Variants in PFKFB2 observed in about 807,000 individuals in gnomAD.
The protein encoded by PFKFB2 is 6-phosphofructo-2-kinase/fructose-2,6-bisphosphatase 2.
Under a neutral mutation model 68.0 loss-of-function variants are expected in PFKFB2, and 53 were observed. That is an observed-to-expected ratio of 0.78 (90% CI 0.63 to 0.98). The LOEUF is 0.98. Ranked by LOEUF, PFKFB2 falls within the 50% of genes least tolerant of loss-of-function variation. The pLI, the probability that PFKFB2 is intolerant of heterozygous loss-of-function variation, is 0.00. For synonymous variants in PFKFB2, 222 were observed against 227.6 expected (o/e 0.98, Z 0.22); for missense variants, 451 against 642.0 (o/e 0.70, Z 3.22).
chr1:207,054,165 G>A (rs1348838579), intron 1 of PFKFB2, among the ~76,000 whole-genome samples: 1 of 151,988 alleles, frequency 6.6e-6, no homozygotes, highest in East Asian at 1.9e-4. Flanking sequence ...GCCTCCCCAA[G>A]TGTTGGAATT....
chr1:207,038,307 G>A (rs1293047629), intron 1 of PFKFB2, among the ~76,000 whole-genome samples: 1 of 152,180 alleles, frequency 6.6e-6, no homozygotes, highest in Non-Finnish European at 1.5e-5. Context: ...CCCTTGTGGA[G>A]TTTACAAAGT....
chr1:207,068,367 C>T (rs1277808680), intron 10 of PFKFB2, 58 bp downstream of exon 10: 19 of 1,400,732 alleles, frequency 1.4e-5, no homozygotes, highest in Middle Eastern at 1.9e-4. Flanking sequence ...CAGGAACTCT[C>T]AGAAGTCACT....
At chr1:207,059,923 G>A (rs1041576338) in intron 2 of PFKFB2, among the ~76,000 whole-genome samples, 26 of 152,308 alleles carry the variant, frequency 1.7e-4, no homozygotes, top group African/African-American at 5.3e-4. Context: ...AGGGGCAGCC[G>A]CAACTTGCAG....
At chr1:207,051,896 G>C (rs1295463812), upstream of PFKFB2, among the ~76,000 whole-genome samples, 1 of 152,248 alleles carries the variant, frequency 6.6e-6, no homozygotes, top group Non-Finnish European at 1.5e-5. Context: ...TAAAGACAGA[G>C]TTGTATAGAC....
chr1:207,048,299 C>T (rs949712543), upstream of PFKFB2: 1 of 152,652 alleles, frequency 6.6e-6, no homozygotes, highest in African/African-American at 2.4e-5. Flanking sequence ...AAACAGGGCA[C>T]AATCAGTTCC....
At chr1:207,054,330 C>A (rs1682852600) in intron 1 of PFKFB2, among the ~76,000 whole-genome samples, 1 of 152,166 alleles carries the variant, frequency 6.6e-6, no homozygotes, top group African/African-American at 2.4e-5. Context: ...AAACTAGAAT[C>A]TGAGGTCATG....
intron 2 of PFKFB2, among the ~76,000 whole-genome samples, chr1:207,043,176 T>C (rs1489935283): frequency 1.3e-5 from 2 of 152,220 alleles, no homozygotes; most frequent in African/African-American, 2.4e-5. Flanking sequence ...CATTGCTTTA[T>C]GGGCACAATT....
At position 207,070,901 on chromosome 1, in the gene PFKFB2, T is replaced by C; in HGVS notation, c.1223-287T>C. The C allele has an allele frequency of 5.3e-6, 2 of 375,650 alleles. No homozygotes were observed. The highest frequency in any genetic ancestry group is 5.7e-5 in the East Asian group (1 of 17,398). The allele number at this position is 375,650 out of a possible 1,614,324, so 23.3% of individuals were successfully genotyped here. ...TGGAAGCTGTTGTGGTCAGACCTTA[T>C]TGGCCTTTGCTGTACCCAGGTGACC... On this transcript the variant is annotated intron_variant, in intron 12 of 14. Transcript: ENST00000367080. The surrounding 1 kb of genome is among the most constrained non-coding windows in gnomAD (Gnocchi z 4.2).
At chr1:207,042,549 CAAAAAAAAAAA>C (rs57077682) in intron 2 of PFKFB2, among the ~76,000 whole-genome samples, 7,796 of 44,390 alleles carry the variant, frequency 0.18, 204 homozygotes, top group East Asian at 0.27. Context: ...CTCTGTCTCA[CAAAAAAAAAAA>C]AAAAAAAAAA....
rs543803610 is a variant in PFKFB2 at position 207,076,413 on chromosome 1, C to T, written c.*4042C>T. On this transcript the variant is annotated 3_prime_UTR_variant, in exon 15 of 15. Coordinates refer to ENST00000367080, the MANE Select transcript of PFKFB2 (RefSeq NM_006212.2). ...CCATTGTCTTTGCCAAGCCCAGAAG[C>T]CATGTTGTGTTCATTGTTAAGAAAT... is the stretch of plus-strand genomic sequence containing the variant. The T allele has an allele frequency of 1.0e-6, 1 of 984,950 alleles. No individual in the cohort carries two copies. The highest frequency in any genetic ancestry group is 1.1e-4 in the East Asian group (1 of 8,818). The allele number at this position is 984,950 out of a possible 1,614,324, so 61.0% of individuals were successfully genotyped here.
rs557398119 is a variant in PFKFB2, at chr1:207,077,668, C to T, written c.*5297C>T. On this transcript the variant is annotated 3_prime_UTR_variant, in exon 15 of 15. Transcript: ENST00000367080. Reference sequence around the variant, plus strand: ...GCTCTGTTGAAATAGGAACATAAGTCTTTAGCAACATTCTGATTTAATCGG... The same window carrying T: ...GCTCTGTTGAAATAGGAACATAAGTTTTTAGCAACATTCTGATTTAATCGG... 19 of 985,754 alleles carry T rather than the reference C, an allele frequency of 1.9e-5. No individual in the cohort carries two copies. The highest frequency in any genetic ancestry group is 2.3e-5 in the Non-Finnish European group (19 of 829,874). The allele number at this position is 985,754 out of a possible 1,614,324, so 61.1% of individuals were successfully genotyped here.
intron 2 of PFKFB2, among the ~76,000 whole-genome samples, chr1:207,042,479 C>T (rs1315811118): frequency 7.7e-6 from 1 of 130,474 alleles, no homozygotes; most frequent in Non-Finnish European, 1.6e-5. Context: ...ACCTGGCAGG[C>T]GGAGCTTGCA....
Position 207,073,531 on chromosome 1 carries a change from A to C in PFKFB2, c.*1160A>C, listed in dbSNP as rs1683529795. 1.0e-6 allele frequency: 1 copy of C among 984,894 alleles called. No individual in the cohort carries two copies. Among genetic ancestry groups the C allele is most frequent in the South Asian group, 4.7e-5 (1 of 21,296 alleles). The allele number at this position is 984,894 out of a possible 1,614,324, so 61.0% of individuals were successfully genotyped here. On this transcript the variant is annotated 3_prime_UTR_variant, in exon 15 of 15. Transcript: ENST00000367080. ...GAAGAAAGAAACATCAAAACAAAAT[A>C]GTTTTTACATGACCATTTTTTTCCC...
chr1:207,046,550 T>C (rs1015243053), intron 2 of PFKFB2: 8 of 152,076 alleles, frequency 5.3e-5, no homozygotes, highest in Admixed American at 5.2e-4. Flanking sequence ...AAAGTACTAG[T>C]GCTAAATTTC....
intron 13 of PFKFB2, 73 bp from the exon 14 acceptor site, chr1:207,071,436 A>G: frequency 7.9e-7 from 1 of 1,262,632 alleles, no homozygotes; most frequent in Non-Finnish European, 1.2e-6. Context: ...CCTTTGTGGT[A>G]TACTTTCCCA....
intron 3 of PFKFB2, 53 bp downstream of exon 3, chr1:207,062,131 A>G: frequency 6.2e-7 from 1 of 1,611,012 alleles, no homozygotes; most frequent in Non-Finnish European, 8.5e-7. Context: ...TGGGCCTCAC[A>G]GGTCTCTGGG....
rs752296613 is a variant in PFKFB2 at position 207,068,232 on chromosome 1, T to C, written c.910T>C (p.Leu304=). The stretch of plus-strand genomic sequence containing the variant: ...AGACCTCAAAGTGTGGACAAGCCAG[T>C]TGAAGAGGACCATACAGACTGCTGA... The part of the protein sequence containing the change: ...ITDLKVWTSQ[L]KRTIQTAESL... The change falls in exon 10 of 15, where the codon TTG becomes CTG. Residue 304 remains leucine, a synonymous_variant. Coordinates refer to ENST00000367080, the MANE Select transcript of PFKFB2 (RefSeq NM_006212.2). 1.2e-6 allele frequency: 2 copies of C among 1,613,542 alleles called. No homozygotes were observed. Among genetic ancestry groups the C allele is most frequent in the Non-Finnish European group, 8.5e-7 (1 of 1,179,734 alleles).
chr1:207,061,107 A>ATT (rs1417019713), intron 2 of PFKFB2, among the ~76,000 whole-genome samples: 5,355 of 75,218 alleles, frequency 0.071, 887 homozygotes, highest in African/African-American at 0.26. Flanking sequence ...CTTTATATAT[A>ATT]TCTATATATC....
Position 207,076,861 on chromosome 1 carries a change from T to C in PFKFB2, c.*4490T>C. The C allele has an allele frequency of 4.1e-6, 4 of 985,016 alleles. No individual in the cohort carries two copies. Among genetic ancestry groups the C allele is most frequent in the Non-Finnish European group, 3.6e-6 (3 of 829,540 alleles). 61.0% of individuals were successfully genotyped at this position (985,016 alleles called of 1,614,324 possible). Reference sequence around the variant, plus strand: ...AGGGTCTGTAAGCTGACAGTCTGCCTGCTTTCTGATTGTATCCATTGAAGT... The same window carrying C: ...AGGGTCTGTAAGCTGACAGTCTGCCCGCTTTCTGATTGTATCCATTGAAGT... On this transcript the variant is annotated 3_prime_UTR_variant, in exon 15 of 15. Coordinates refer to ENST00000367080, the MANE Select transcript of PFKFB2 (RefSeq NM_006212.2).
Sources: allele counts gnomAD v4.1 joint callset (sites outside exome capture counted in the v4.1 genomes callset), GRCh38; gene constraint gnomAD v4.1.1; non-coding constraint Gnocchi (gnomAD v3.1); transcripts MANE v1.5; gene names NCBI Gene and HGNC (gene_info 2026-07-23, HGNC 2026-07-21).